Variants in CSGALNACT1 observed in about 807,000 individuals in gnomAD.
CSGALNACT1 encodes beta4GalNAcT-1.
In CSGALNACT1, 52 loss-of-function variants were observed where a neutral mutation model predicts 51.0. The observed-to-expected ratio is 1.02, with a 90% CI of 0.82 to 1.29. CSGALNACT1 has a LOEUF of 1.29. Among genes scored for constraint, CSGALNACT1 ranks in the 50% most tolerant of loss-of-function variants. The pLI is 0.00. For missense variants in CSGALNACT1, 935 were observed against 679.2 expected (o/e 1.38, Z -4.19); for synonymous variants, 341 against 254.4 (o/e 1.34, Z -3.24).
chr8:19,527,103 G>C (rs891689470), intron 3 of CSGALNACT1, among the ~76,000 whole-genome samples: 5 of 152,144 alleles, frequency 3.3e-5, no homozygotes, highest in Non-Finnish European at 5.9e-5. Context: ...CAGCATTCTT[G>C]ACCTTAAGGA....
intron 3 of CSGALNACT1, among the ~76,000 whole-genome samples, chr8:19,527,894 T>C (rs1021138597): frequency 2.6e-5 from 4 of 151,810 alleles, no homozygotes; most frequent in Non-Finnish European, 4.4e-5. Context: ...GCCAGAGAGG[T>C]AGATTCAGGG....
intron 4 of CSGALNACT1, among the ~76,000 whole-genome samples, chr8:19,477,383 C>T (rs2070002679): frequency 1.3e-5 from 2 of 152,194 alleles, no homozygotes; most frequent in African/African-American, 4.8e-5. Flanking sequence ...CACAACTGAG[C>T]ACGGCTATAA....
intron 3 of CSGALNACT1, among the ~76,000 whole-genome samples, chr8:19,565,173 T>C (rs2041645915): frequency 6.6e-6 from 1 of 152,234 alleles, no homozygotes; most frequent in East Asian, 1.9e-4. Context: ...TCGAAGTGTT[T>C]CTGAAATCCA....
intron 3 of CSGALNACT1, among the ~76,000 whole-genome samples, chr8:19,549,937 CT>C (rs1217913108): frequency 3.5e-4 from 53 of 151,962 alleles, no homozygotes; most frequent in African/African-American, 1.2e-3. Context: ...TGCGACCTAC[CT>C]TTTCTCTGTT....
chr8:19,512,461 T>C (rs967200541), intron 3 of CSGALNACT1, among the ~76,000 whole-genome samples: 1 of 152,200 alleles, frequency 6.6e-6, no homozygotes, highest in Non-Finnish European at 1.5e-5. Context: ...TTTGGAATAA[T>C]TTATTACATT....
chr8:19,438,649 T>C (rs555549615), intron 6 of CSGALNACT1, among the ~76,000 whole-genome samples: 73 of 152,334 alleles, frequency 4.8e-4, no homozygotes, highest in African/African-American at 1.7e-3. Flanking sequence ...TTGTGGTGAC[T>C]ACTCAGCTGC....
intron 1 of CSGALNACT1, among the ~76,000 whole-genome samples, chr8:19,742,656 A>G (rs992025528): frequency 2.0e-5 from 3 of 152,248 alleles, no homozygotes; most frequent in African/African-American, 7.2e-5. Flanking sequence ...CAATATGCCA[A>G]TGAAAAAATA....
chr8:19,656,877 C>T (rs1430176578), intron 1 of CSGALNACT1, among the ~76,000 whole-genome samples: 1 of 151,900 alleles, frequency 6.6e-6, no homozygotes, highest in Non-Finnish European at 1.5e-5. Flanking sequence ...ACCAGCCTGG[C>T]CAACATGGTG....
At chr8:19,517,760 A>G (rs1312722381) in intron 3 of CSGALNACT1, among the ~76,000 whole-genome samples, 1 of 152,180 alleles carries the variant, frequency 6.6e-6, no homozygotes, top group East Asian at 1.9e-4. Flanking sequence ...TCAGGAGAAC[A>G]TTATAGGGGA....
At chr8:19,495,315 G>C (rs1030653811) in intron 4 of CSGALNACT1, 2 of 152,218 alleles carry the variant, frequency 1.3e-5, no homozygotes, top group African/African-American at 2.4e-5. Context: ...AATGGGTCCT[G>C]TTCCAATATT....
upstream of CSGALNACT1, among the ~76,000 whole-genome samples, chr8:19,604,732 C>G (rs1048747956): frequency 6.8e-6 from 1 of 148,098 alleles, no homozygotes; most frequent in African/African-American, 2.5e-5. Context: ...ACAGTGAAAC[C>G]CCGTCTCTAC....
At chr8:19,739,274 T>C (rs1418662335) in intron 1 of CSGALNACT1, among the ~76,000 whole-genome samples, 1 of 152,088 alleles carries the variant, frequency 6.6e-6, no homozygotes, top group South Asian at 2.1e-4. Context: ...AAATAGAACG[T>C]TCAAGTCAAT....
At chr8:19,725,751 G>A (rs1268232408) in intron 1 of CSGALNACT1, among the ~76,000 whole-genome samples, 3 of 152,010 alleles carry the variant, frequency 2.0e-5, no homozygotes, top group Middle Eastern at 3.2e-3. Flanking sequence ...CACTTTTTTA[G>A]AGCAGTTTTA....
chr8:19,418,070 C>A (rs2057236126), intron 8 of CSGALNACT1, among the ~76,000 whole-genome samples: 1 of 152,152 alleles, frequency 6.6e-6, no homozygotes, highest in Admixed American at 6.5e-5. Context: ...TCCAATATTC[C>A]TTTGAGAGCC....
intron 5 of CSGALNACT1, among the ~76,000 whole-genome samples, chr8:19,448,607 G>A (rs2062552864): frequency 1.3e-5 from 2 of 152,280 alleles, no homozygotes; most frequent in South Asian, 4.1e-4. Flanking sequence ...CTGGGTGCCA[G>A]GGAAAGGGGG....
chr8:19,602,029 C>T lies in CSGALNACT1; in HGVS notation c.-548G>A, dbSNP rs1011309297. 19 of 330,982 alleles carry T rather than the reference C, an allele frequency of 5.7e-5. No individual in the cohort carries two copies. The Admixed American group carries it at 7.5e-4, about 13-fold the overall frequency. The allele number at this position is 330,982 out of a possible 1,614,324, so 20.5% of individuals were successfully genotyped here. A position where few individuals can be genotyped will look rare whatever the true frequency, so the allele number is the denominator to read the frequency against. On this transcript the variant is annotated 5_prime_UTR_variant, in exon 1 of 10. Coordinates refer to ENST00000454498, the Ensembl canonical transcript of CSGALNACT1. ...GATGGTATTTGTTCTCTCCCTGTTT[C>T]AATGAATAAAATGCAAACTATTTGT...
rs1369110871 is a variant in CSGALNACT1 at position 19,667,011 on chromosome 8, GA to G, written c.-544+15461del. Among the ~76,000 whole-genome samples, 37 of 32,872 alleles carry G rather than the reference GA, an allele frequency of 1.1e-3. 3 individuals are homozygous for G. Among genetic ancestry groups the G allele is most frequent in the East Asian group, 3.4e-3 (5 of 1,460 alleles). 21.6% of individuals were successfully genotyped at this position (32,872 alleles called of 152,430 possible). Reference sequence around the variant, plus strand: ...AGAAAGAAAGAAAGAAAGAAAGAAAGAAAGAAAGGAAGGAAGGAAGGAAGGA... The same window carrying G: ...AGAAAGAAAGAAAGAAAGAAAGAAAGAAGAAAGGAAGGAAGGAAGGAAGGA... On this transcript the variant is annotated intron_variant, in intron 1 of 9. Transcript: ENST00000332246.
In CSGALNACT1 at chr8:19,677,891, A is replaced by C. The variant is rs138616307; in HGVS notation, c.-544+4582T>G. Among the ~76,000 whole-genome samples the C allele has an allele frequency of 8.3e-3, 1,271 of 152,248 alleles. 6 individuals carry two copies. The highest frequency in any genetic ancestry group is 0.013 in the Non-Finnish European group (874 of 68,006). The stretch of plus-strand genomic sequence containing the variant: ...GCAATTTTCAAATTGTCTGAAAAAC[A>C]ATTAGAAGACTGTTTTTCAATAAAA... On this transcript the variant is annotated intron_variant, in intron 1 of 9. Coordinates refer to the CSGALNACT1 transcript ENST00000332246.
intron 3 of CSGALNACT1, among the ~76,000 whole-genome samples, chr8:19,544,326 C>A (rs2154074718): frequency 6.6e-6 from 1 of 152,200 alleles, no homozygotes; most frequent in Admixed American, 6.5e-5. Flanking sequence ...CTAATCTCTA[C>A]TATTTAAAAA....
Sources: gnomAD v4.1 joint callset for allele counts (sites outside exome capture counted in the v4.1 genomes callset) on GRCh38, gnomAD v4.1.1 for gene constraint, MANE v1.5 for transcripts, NCBI Gene and HGNC (gene_info 2026-07-23, HGNC 2026-07-21) for gene names.